Variants in NAALADL2 observed in about 807,000 individuals in gnomAD.
NAALADL2 encodes the protein inactive N-acetylated-alpha-linked acidic dipeptidase-like protein 2.
A neutral mutation model predicts 87.2 loss-of-function variants in NAALADL2; 76 were observed. The observed-to-expected ratio is 0.87, with a 90% CI of 0.72 to 1.05. The LOEUF (loss-of-function observed/expected upper bound fraction) is 1.05. NAALADL2 is among the 50% of genes least tolerant of loss of function. The pLI is 0.00. For synonymous variants in NAALADL2, 354 were observed against 331.0 expected, an observed-to-expected ratio of 1.07 and a Z score of -0.75; for missense variants, 1,089 against 945.8, an observed-to-expected ratio of 1.15 and a Z score of -1.99.
chr3:175,273,666 T>C (rs1753171353), intron 4 of NAALADL2, among the ~76,000 whole-genome samples: 1 of 152,102 alleles, frequency 6.6e-6, no homozygotes, highest in African/African-American at 2.4e-5. Flanking sequence ...AATGACAATT[T>C]ATTCTCTTTT....
Position 175,504,568 on chromosome 3 carries a change from TCTCTCTCTC to T in NAALADL2, c.1653+32811_1653+32819del, listed in dbSNP as rs1472261851. On this transcript the variant is annotated intron_variant, in intron 9 of 13. Coordinates refer to ENST00000454872, the MANE Select transcript of NAALADL2 (RefSeq NM_207015.3). ...CTTTCTCTCTGTCTCTCTCTGTTTC[TCTCTCTCTC>T]TCTCTCTCTCTCTCTCTCTCTCTCT... is the stretch of plus-strand genomic sequence containing the variant. 5.4e-3 allele frequency among the ~76,000 whole-genome samples: 9 copies of T among 1,660 alleles called. No homozygotes were observed. In the East Asian group the frequency reaches 0.18, roughly 33 times the overall value. The allele number at this position is 1,660 out of a possible 152,430, so 1.1% of individuals were successfully genotyped here.
At chr3:174,928,921 G>GACTA (rs1227216951) in intron 1 of NAALADL2, among the ~76,000 whole-genome samples, 1 of 152,128 alleles carries the variant, frequency 6.6e-6, no homozygotes, top group Non-Finnish European at 1.5e-5. Flanking sequence ...GAAACTCTTA[G>GACTA]AGTCACTTGC....
At chr3:175,023,165 A>T (rs578165322) in intron 1 of NAALADL2, among the ~76,000 whole-genome samples, 3 of 152,248 alleles carry the variant, frequency 2.0e-5, no homozygotes, top group African/African-American at 4.8e-5. Context: ...CACTAGGGAG[A>T]TGTAGAATAC....
At chr3:174,739,734 A>G (rs1328895954) in intron 3 of NAALADL2, among the ~76,000 whole-genome samples, 4 of 152,036 alleles carry the variant, frequency 2.6e-5, no homozygotes, top group East Asian at 3.9e-4. Flanking sequence ...GATTTTGAAT[A>G]TTTGCTTTCC....
intron 9 of NAALADL2, among the ~76,000 whole-genome samples, chr3:175,547,201 T>C (rs1458838038): frequency 6.6e-6 from 1 of 152,104 alleles, no homozygotes; most frequent in Non-Finnish European, 1.5e-5. Context: ...AGCATGGTAC[T>C]GCTGGTACAG....
At chr3:174,909,556 A>G (rs1733416633) in intron 1 of NAALADL2, among the ~76,000 whole-genome samples, 1 of 152,000 alleles carries the variant, frequency 6.6e-6, no homozygotes. Context: ...CATTATCCCT[A>G]CTCCAAGATT....
chr3:175,512,199 C>T (rs564341476), intron 9 of NAALADL2, among the ~76,000 whole-genome samples: 24 of 152,220 alleles, frequency 1.6e-4, no homozygotes, highest in African/African-American at 5.8e-4. Context: ...GATCCCACTA[C>T]TATACTCCAG....
chr3:174,897,350 G>A (rs1302249740), intron 1 of NAALADL2, among the ~76,000 whole-genome samples: 2 of 151,642 alleles, frequency 1.3e-5, no homozygotes, highest in African/African-American at 4.8e-5. Flanking sequence ...ATCAAAAAGT[G>A]GGCAAAATAT....
chr3:175,054,979 C>T (rs1012707470), intron 1 of NAALADL2, among the ~76,000 whole-genome samples: 2 of 120,140 alleles, frequency 1.7e-5, no homozygotes, highest in Non-Finnish European at 3.6e-5. Flanking sequence ...TGATATACTT[C>T]GGGGGCTTTA....
intron 13 of NAALADL2, among the ~76,000 whole-genome samples, chr3:175,790,150 A>G (rs1752604756): frequency 6.6e-6 from 1 of 152,164 alleles, no homozygotes; most frequent in Non-Finnish European, 1.5e-5. Flanking sequence ...AACTTGGTTT[A>G]TATATGCATT....
At chr3:175,049,439 G>C (rs1755088721) in intron 1 of NAALADL2, among the ~76,000 whole-genome samples, 1 of 152,194 alleles carries the variant, frequency 6.6e-6, no homozygotes, top group South Asian at 2.1e-4. Flanking sequence ...GAAAACCTGT[G>C]TATAGAGGCC....
At chr3:175,246,717 T>C (rs2109705307) in intron 3 of NAALADL2, among the ~76,000 whole-genome samples, 1 of 152,302 alleles carries the variant, frequency 6.6e-6, no homozygotes, top group South Asian at 2.1e-4. Context: ...TTCTGTTGCT[T>C]CTGCTAAGAG....
At chr3:174,882,521 A>G (rs922348722) in intron 1 of NAALADL2, among the ~76,000 whole-genome samples, 9 of 150,176 alleles carry the variant, frequency 6.0e-5, no homozygotes, top group African/African-American at 2.2e-4. Context: ...ACATATGTGC[A>G]TATACACATA....
At chr3:175,375,229 AT>A (rs1475956471) in intron 5 of NAALADL2, among the ~76,000 whole-genome samples, 17 of 151,990 alleles carry the variant, frequency 1.1e-4, no homozygotes, top group African/African-American at 4.1e-4. Context: ...AGTATTCTTA[AT>A]TTTTTTCTCT....
chr3:175,694,962 T>C (rs1156363209), intron 11 of NAALADL2, among the ~76,000 whole-genome samples: 1 of 152,116 alleles, frequency 6.6e-6, no homozygotes, highest in African/African-American at 2.4e-5. Flanking sequence ...AGATTCAGTA[T>C]TCAATTGTTA....
intron 2 of NAALADL2, among the ~76,000 whole-genome samples, chr3:174,688,327 A>G (rs991429637): frequency 6.6e-6 from 1 of 152,136 alleles, no homozygotes; most frequent in Non-Finnish European, 1.5e-5. Flanking sequence ...TACCTGATAT[A>G]CAAGTAAGCA....
chr3:175,297,454 AT>A (rs1402169200), intron 4 of NAALADL2, among the ~76,000 whole-genome samples: 4 of 152,128 alleles, frequency 2.6e-5, no homozygotes, highest in Non-Finnish European at 5.9e-5. Flanking sequence ...TTTATGATTT[AT>A]TTTGTAGAAA....
chr3:175,081,659 T>C, intron 1 of NAALADL2, among the ~76,000 whole-genome samples: 1 of 152,172 alleles, frequency 6.6e-6, no homozygotes, highest in East Asian at 1.9e-4. Context: ...CTTTATTATC[T>C]TTTTATTTAA....
At chr3:175,389,801 C>T (rs929126321) in intron 5 of NAALADL2, among the ~76,000 whole-genome samples, 3 of 152,164 alleles carry the variant, frequency 2.0e-5, no homozygotes, top group Non-Finnish European at 4.4e-5. Context: ...TTGTCAGGAT[C>T]ACACTCTGTG....
Sources: gnomAD v4.1 joint callset for allele counts (sites outside exome capture counted in the v4.1 genomes callset) on GRCh38, gnomAD v4.1.1 for gene constraint, MANE v1.5 for transcripts, NCBI Gene and HGNC (gene_info 2026-07-23, HGNC 2026-07-21) for gene names.